PLAGL1: variants seen among roughly 807,000 people sequenced by gnomAD.
The protein encoded by PLAGL1 is PLAG1 like zinc finger 1.
In PLAGL1, 1 loss-of-function variant was observed where a neutral mutation model predicts 4.6. The ratio of observed to expected loss-of-function variants is 0.22; its 90% CI spans 0.08 to 1.03. PLAGL1 has a LOEUF of 1.03. Ranked by LOEUF, PLAGL1 falls within the 50% of genes least tolerant of loss-of-function variation. The pLI is 0.58. For synonymous variants in PLAGL1, 240 were observed against 237.8 expected (o/e 1.01, Z -0.08); for missense variants, 464 against 570.4 (o/e 0.81, Z 1.90).
chr6:144,004,883 A>T lies in PLAGL1; in HGVS notation c.-584+3207T>A, dbSNP rs1293083105. Reference sequence around the variant, plus strand: ...ATGTGTGAAAATAAAGAGATAAAAGACAAAACTTTCCTGAATTAATGAAAC... The same window carrying T: ...ATGTGTGAAAATAAAGAGATAAAAGTCAAAACTTTCCTGAATTAATGAAAC... On this transcript the variant is annotated intron_variant, in intron 1 of 7. Coordinates refer to ENST00000674357, the MANE Select transcript of PLAGL1 (RefSeq NM_001317162.2). The surrounding 1 kb of genome is among the most constrained non-coding windows in gnomAD (Gnocchi z 4.2). 6.6e-6 allele frequency: 1 copy of T among 151,490 alleles called. No homozygotes were observed. Among genetic ancestry groups the T allele is most frequent in the East Asian group, 1.9e-4 (1 of 5,196 alleles). 9.4% of individuals were successfully genotyped at this position (151,490 alleles called of 1,614,324 possible).
intron 1 of PLAGL1, among the ~76,000 whole-genome samples, chr6:144,047,244 C>G (rs1054051234): frequency 6.6e-6 from 1 of 152,132 alleles, no homozygotes; most frequent in East Asian, 1.9e-4. Context: ...CCAGGTACCT[C>G]GGTTGGAAAT....
intron 2 of PLAGL1, among the ~76,000 whole-genome samples, chr6:143,981,077 C>T (rs1389895507): frequency 6.6e-6 from 1 of 152,180 alleles, no homozygotes; most frequent in Non-Finnish European, 1.5e-5. Flanking sequence ...TATTTTCCAT[C>T]TGGCCCTTTA....
chr6:144,024,233 G>A (rs1384708021), intron 1 of PLAGL1, among the ~76,000 whole-genome samples: 3 of 152,164 alleles, frequency 2.0e-5, no homozygotes, highest in Non-Finnish European at 4.4e-5. Flanking sequence ...AGATTTTCAT[G>A]TCTAATATTA....
Position 144,004,926 on chromosome 6 carries a change from G to A in PLAGL1, c.-584+3164C>T, listed in dbSNP as rs1050270817. 3 of 143,184 alleles carry A rather than the reference G, an allele frequency of 2.1e-5. No homozygotes were observed. The Admixed American group carries it at 2.2e-4, about 11-fold the overall frequency. The allele number at this position is 143,184 out of a possible 1,614,324, so 8.9% of individuals were successfully genotyped here. ...AATGAAACATAAACCTTAGAGACAG[G>A]AGATTTTATTCATATATATATATAC... On this transcript the variant is annotated intron_variant, in intron 1 of 7. Coordinates refer to ENST00000674357, the MANE Select transcript of PLAGL1 (RefSeq NM_001317162.2). This position sits in a 1 kb window ranked among gnomAD's most constrained non-coding sequence, Gnocchi z 4.2.
chr6:143,987,984 A>C (rs941221218), intron 1 of PLAGL1, among the ~76,000 whole-genome samples: 1 of 152,216 alleles, frequency 6.6e-6, no homozygotes, highest in African/African-American at 2.4e-5. Flanking sequence ...TCTTTCTAAA[A>C]GCATATTGTT....
At position 143,953,769 on chromosome 6, in the gene PLAGL1, A is replaced by C. The variant is rs1363751561; in HGVS notation, c.-324-5309T>G. 6.6e-6 allele frequency among the ~76,000 whole-genome samples: 1 copy of C among 152,260 alleles called. No homozygotes were observed. Among genetic ancestry groups the C allele is most frequent in the Non-Finnish European group, 1.5e-5 (1 of 68,040 alleles). On this transcript the variant is annotated intron_variant, in intron 6 of 7. Transcript: ENST00000674357. The surrounding 1 kb of genome is among the most constrained non-coding windows in gnomAD (Gnocchi z 5.3). ...TAAGAAAGCTAAAGTTTAAGCCAGCATTAAGAGGCAACAAAACAACCTGCT... is the reference window on the plus strand; with the variant it reads ...TAAGAAAGCTAAAGTTTAAGCCAGCCTTAAGAGGCAACAAAACAACCTGCT...
rs1294186690 is a variant in PLAGL1 at position 144,034,221 on chromosome 6, G to C, written c.-151+30247C>G. ...CGAACCCCAGCCTCCCTCCTGGGGT[G>C]CCTCATTCCAGGGCTCTTCCATCTT... On this transcript the variant is annotated intron_variant, in intron 1 of 3. Transcript: ENST00000437412. The surrounding 1 kb of genome is among the most constrained non-coding windows in gnomAD (Gnocchi z 4.7). Among the ~76,000 whole-genome samples the C allele has an allele frequency of 6.6e-6, 1 of 152,148 alleles. No homozygotes were observed. The highest frequency in any genetic ancestry group is 1.5e-5 in the Non-Finnish European group (1 of 68,036).
At chr6:144,028,929 C>T (rs535565080) in intron 1 of PLAGL1, among the ~76,000 whole-genome samples, 21 of 151,998 alleles carry the variant, frequency 1.4e-4, no homozygotes, top group African/African-American at 5.1e-4. Flanking sequence ...AATCTGCCTT[C>T]CATTTTTTCT....
At position 143,975,713 on chromosome 6, in the gene PLAGL1, A is replaced by G. The variant is rs976039540; in HGVS notation, c.-543-6735T>C. Among the ~76,000 whole-genome samples the G allele has an allele frequency of 6.6e-6, 1 of 152,230 alleles. No individual in the cohort carries two copies. The highest frequency in any genetic ancestry group is 1.5e-5 in the Non-Finnish European group (1 of 68,040). On this transcript the variant is annotated intron_variant, in intron 2 of 7. Coordinates refer to ENST00000674357, the MANE Select transcript of PLAGL1 (RefSeq NM_001317162.2). This position sits in a 1 kb window ranked among gnomAD's most constrained non-coding sequence, Gnocchi z 5.8. ...ATCAAACTATTATAAAAGAGAAAGA[A>G]GCTACTTTACAAAACAGAAACACTA...
chr6:144,060,896 A>G (rs1799337742), intron 1 of PLAGL1, among the ~76,000 whole-genome samples: 1 of 152,250 alleles, frequency 6.6e-6, no homozygotes, highest in African/African-American at 2.4e-5. Flanking sequence ...TTGCTAAACA[A>G]TAAAGCTGAC....
intron 1 of PLAGL1, among the ~76,000 whole-genome samples, chr6:144,019,344 C>T (rs1266001232): frequency 1.3e-5 from 2 of 151,684 alleles, no homozygotes; most frequent in Non-Finnish European, 2.9e-5. Flanking sequence ...TGGTGGTGGG[C>T]GCCTGTAATC....
At chr6:144,044,767 G>C (rs1798000430) in intron 1 of PLAGL1, among the ~76,000 whole-genome samples, 1 of 152,164 alleles carries the variant, frequency 6.6e-6, no homozygotes, top group African/African-American at 2.4e-5. Flanking sequence ...TATTGACAGT[G>C]CGGTGTTAAT....
At chr6:143,943,146 G>T (rs1331843501) in intron 7 of PLAGL1, among the ~76,000 whole-genome samples, 1 of 150,220 alleles carries the variant, frequency 6.7e-6, no homozygotes, top group Non-Finnish European at 1.5e-5. Flanking sequence ...TTACAGACAA[G>T]AGTCACCGTG....
At chr6:144,057,164 G>A (rs757683864) in intron 1 of PLAGL1, among the ~76,000 whole-genome samples, 3 of 152,184 alleles carry the variant, frequency 2.0e-5, no homozygotes, top group Non-Finnish European at 2.9e-5. Context: ...ATATGGTTAA[G>A]AGTATGTATA....
In PLAGL1 at chr6:143,964,628, C is replaced by T. The variant is rs187046286; in HGVS notation, c.-399+159G>A. On this transcript the variant is annotated intron_variant, in intron 5 of 7. Coordinates refer to ENST00000674357, the MANE Select transcript of PLAGL1 (RefSeq NM_001317162.2). This position sits in a 1 kb window ranked among gnomAD's most constrained non-coding sequence, Gnocchi z 4.3. ...CCAATCTAGTTTTCAAAAAAGGCCA[C>T]CGCTTCGTTAGAGAGAGGACCATGG... Among the ~76,000 whole-genome samples the T allele has an allele frequency of 6.7e-4, 101 of 151,114 alleles. 1 individual carries two copies. Among genetic ancestry groups the T allele is most frequent in the African/African-American group, 2.3e-3 (94 of 41,174 alleles).
chr6:144,025,747 G>C (rs182339035), intron 1 of PLAGL1, among the ~76,000 whole-genome samples: 26 of 151,976 alleles, frequency 1.7e-4, no homozygotes, highest in African/African-American at 5.5e-4. Flanking sequence ...AAAAAAATTA[G>C]CTGGGTGTGG....
At position 143,985,722 on chromosome 6, in the gene PLAGL1, G is replaced by GA. The variant is rs1229767144; in HGVS notation, c.-583-549dup. Among the ~76,000 whole-genome samples the GA allele has an allele frequency of 6.6e-6, 1 of 151,712 alleles. No homozygotes were observed. Among genetic ancestry groups the GA allele is most frequent in the African/African-American group, 2.4e-5 (1 of 41,326 alleles). ...TAGTTTAAGGAATACCTTCTCCAGG[G>GA]AGAAGTTTTTCTCATTGTTAGCATG... is the stretch of plus-strand genomic sequence containing the variant. On this transcript the variant is annotated intron_variant, in intron 1 of 7. Transcript: ENST00000674357. This position sits in a 1 kb window ranked among gnomAD's most constrained non-coding sequence, Gnocchi z 4.4.
intron 1 of PLAGL1, among the ~76,000 whole-genome samples, chr6:144,045,044 T>C (rs1401156782): frequency 7.3e-6 from 1 of 136,142 alleles, no homozygotes; most frequent in Admixed American, 7.8e-5. Context: ...TGGTAGATCT[T>C]CCTCCATTCC....
intron 1 of PLAGL1, among the ~76,000 whole-genome samples, chr6:143,992,517 T>C (rs753843657): frequency 2.6e-5 from 4 of 152,196 alleles, no homozygotes; most frequent in Non-Finnish European, 5.9e-5. Flanking sequence ...AAACCTAAAA[T>C]ATATGACCTT....
Sources: allele counts gnomAD v4.1 joint callset (sites outside exome capture counted in the v4.1 genomes callset), GRCh38; gene constraint gnomAD v4.1.1; non-coding constraint Gnocchi (gnomAD v3.1); transcripts MANE v1.5; gene names NCBI Gene and HGNC (gene_info 2026-07-23, HGNC 2026-07-21).